DTWD2: variants seen among roughly 807,000 people sequenced by gnomAD.
DTWD2 encodes tRNA-uridine aminocarboxypropyltransferase 2.
In DTWD2, 39 loss-of-function variants were observed where a neutral mutation model predicts 31.8. The ratio of observed to expected loss-of-function variants is 1.22; its 90% CI spans 0.95 to 1.60. The LOEUF (loss-of-function observed/expected upper bound fraction) is 1.60, where lower values mean the gene tolerates loss of function less well. Among genes scored for constraint, DTWD2 ranks in the 40% most tolerant of loss-of-function variants. DTWD2 has a pLI of 0.00. For missense variants in DTWD2, 515 were observed against 381.5 expected (o/e 1.35, Z -2.92); for synonymous variants, 180 against 142.8 (o/e 1.26, Z -1.86).
chr5:118,866,991 T>C (rs1381751324), intron 4 of DTWD2, among the ~76,000 whole-genome samples: 1 of 152,062 alleles, frequency 6.6e-6, no homozygotes. Flanking sequence ...AAATACATTA[T>C]AGTTGTTGTT....
chr5:118,988,279 C>G lies in DTWD2; in HGVS notation c.218+15G>C, dbSNP rs1427480191. 1 of 1,526,144 alleles carries G rather than the reference C, an allele frequency of 6.6e-7. No individual in the cohort carries two copies. Among genetic ancestry groups the G allele is most frequent in the African/African-American group, 1.4e-5 (1 of 72,448 alleles). The allele number at this position is 1,526,144 out of a possible 1,614,324, so 94.5% of individuals were successfully genotyped here. A position where few individuals can be genotyped will look rare whatever the true frequency, so the allele number is the denominator to read the frequency against. On this transcript the variant is annotated intron_variant, in intron 1 of 5. Transcript: ENST00000510708. ...CGCTGCCGGCTGCAGTCCCCGCCCC[C>G]AGCCCCGCGGTCACCTGCAGCGGGT...
rs1753679467 is a variant in DTWD2 at position 118,920,555 on chromosome 5, T to C, written c.597+7982A>G. Reference sequence around the variant, plus strand: ...ATTAAGAAAATGCACATCTTCCTAATCCTTTTTTTATTAGGCATTTTTAAA... The same window carrying C: ...ATTAAGAAAATGCACATCTTCCTAACCCTTTTTTTATTAGGCATTTTTAAA... On this transcript the variant is annotated intron_variant, in intron 4 of 5. Transcript: ENST00000510708. 2.0e-5 allele frequency among the ~76,000 whole-genome samples: 3 copies of C among 152,124 alleles called. No homozygotes were observed. The South Asian group carries it at 6.2e-4, about 31-fold the overall frequency.
intron 1 of DTWD2, among the ~76,000 whole-genome samples, chr5:118,958,097 A>C (rs1312340697): frequency 6.6e-6 from 1 of 152,156 alleles, no homozygotes; most frequent in Non-Finnish European, 1.5e-5. Context: ...TTCCTACTAG[A>C]TCTATAATTA....
At chr5:118,973,648 C>G (rs1196376042) in intron 1 of DTWD2, 2 of 789,840 alleles carry the variant, frequency 2.5e-6, no homozygotes, top group Non-Finnish European at 4.2e-6. Flanking sequence ...CGGCAGCCTC[C>G]TTGCTCGCGG....
intron 4 of DTWD2, among the ~76,000 whole-genome samples, chr5:118,870,846 T>C (rs1185093606): frequency 1.3e-5 from 2 of 151,888 alleles, no homozygotes; most frequent in Non-Finnish European, 2.9e-5. Flanking sequence ...ACTTCTTTTT[T>C]TCCACAGTAA....
intron 4 of DTWD2, among the ~76,000 whole-genome samples, chr5:118,852,362 A>C (rs977151711): frequency 3.2e-4 from 49 of 151,928 alleles, no homozygotes; most frequent in African/African-American, 1.2e-3. Flanking sequence ...GGATTAAGAG[A>C]TTAAAGTAAG....
chr5:118,893,848 T>C (rs1289977589), intron 4 of DTWD2, among the ~76,000 whole-genome samples: 3 of 151,836 alleles, frequency 2.0e-5, no homozygotes, highest in Non-Finnish European at 2.9e-5. Flanking sequence ...AAGACAGAAA[T>C]CTCAGATCTA....
rs1016101457 is a variant in DTWD2, at chr5:118,836,385, C to G, written c.*4532G>C. 6.6e-6 allele frequency among the ~76,000 whole-genome samples: 1 copy of G among 151,986 alleles called. No homozygotes were observed. Among genetic ancestry groups the G allele is most frequent in the African/African-American group, 2.4e-5 (1 of 41,372 alleles). ...TCCTGAGTAGCTGGGATTACAGGTG[C>G]CTGCCACTACGCCTGGCTAATTTTT... is the stretch of plus-strand genomic sequence containing the variant. On this transcript the variant is annotated 3_prime_UTR_variant, in exon 6 of 6. Coordinates refer to ENST00000510708, the MANE Select transcript of DTWD2 (RefSeq NM_173666.4).
intron 1 of DTWD2, among the ~76,000 whole-genome samples, chr5:118,953,091 A>G (rs1754502295): frequency 6.6e-6 from 1 of 152,222 alleles, no homozygotes; most frequent in Non-Finnish European, 1.5e-5. Context: ...TAGAGGACTC[A>G]TTAAACTAGA....
chr5:118,898,337 G>C (rs937851079), intron 4 of DTWD2, among the ~76,000 whole-genome samples: 2 of 152,042 alleles, frequency 1.3e-5, no homozygotes, highest in Admixed American at 6.6e-5. Context: ...ACATTACAAT[G>C]AATCCCTGAT....
chr5:118,895,690 C>T (rs1443022276), intron 4 of DTWD2, among the ~76,000 whole-genome samples: 7 of 152,044 alleles, frequency 4.6e-5, no homozygotes, highest in Non-Finnish European at 1.0e-4. Context: ...GAATACAGTA[C>T]CCAGAAATAA....
chr5:118,937,926 T>C (rs1355026783), intron 3 of DTWD2, among the ~76,000 whole-genome samples: 1 of 151,576 alleles, frequency 6.6e-6, no homozygotes, highest in Non-Finnish European at 1.5e-5. Context: ...GTATTCTCAA[T>C]ATTACTGAAC....
chr5:118,942,712 T>C (rs1189751170), intron 2 of DTWD2, among the ~76,000 whole-genome samples: 2 of 151,874 alleles, frequency 1.3e-5, no homozygotes, highest in Non-Finnish European at 2.9e-5. Flanking sequence ...AAAAAAGCTA[T>C]CTTATATCTG....
At chr5:118,878,125 C>G (rs913354799) in intron 4 of DTWD2, among the ~76,000 whole-genome samples, 2 of 152,076 alleles carry the variant, frequency 1.3e-5, no homozygotes, top group Non-Finnish European at 2.9e-5. Context: ...CTATTAAATT[C>G]TCATTGAGAT....
At chr5:118,919,842 G>A (rs1375404845) in intron 4 of DTWD2, among the ~76,000 whole-genome samples, 3 of 151,754 alleles carry the variant, frequency 2.0e-5, no homozygotes, top group African/African-American at 7.3e-5. Context: ...TAATTAAATT[G>A]TCCTACAAAC....
chr5:118,950,345 G>C (rs1317369821), intron 1 of DTWD2, among the ~76,000 whole-genome samples: 1 of 151,966 alleles, frequency 6.6e-6, no homozygotes, highest in East Asian at 1.9e-4. Flanking sequence ...TCCTTGAAAA[G>C]AAGGTAATGT....
At chr5:118,987,880 G>A (rs2149607135) in intron 1 of DTWD2, among the ~76,000 whole-genome samples, 1 of 152,304 alleles carries the variant, frequency 6.6e-6, no homozygotes, top group South Asian at 2.1e-4. Flanking sequence ...TAGAGTTCTG[G>A]TAGGATAGGT....
chr5:118,899,708 T>C (rs1285117261), intron 4 of DTWD2, among the ~76,000 whole-genome samples: 2 of 151,936 alleles, frequency 1.3e-5, no homozygotes, highest in Non-Finnish European at 2.9e-5. Context: ...CAAAAGAAAC[T>C]ACTACCTTGA....
intron 1 of DTWD2, among the ~76,000 whole-genome samples, chr5:118,962,075 C>G (rs1053048760): frequency 6.6e-6 from 1 of 152,008 alleles, no homozygotes; most frequent in African/African-American, 2.4e-5. Context: ...CCCATCTCTA[C>G]TAAAAATACA....
Sources: allele counts gnomAD v4.1 joint callset (sites outside exome capture counted in the v4.1 genomes callset), GRCh38; gene constraint gnomAD v4.1.1; transcripts MANE v1.5; gene names NCBI Gene and HGNC (gene_info 2026-07-23, HGNC 2026-07-21).